Variants in FRMD3 observed in about 807,000 individuals in gnomAD.
The protein encoded by FRMD3 is FERM domain-containing protein 3.
Under a neutral mutation model 70.2 loss-of-function variants are expected in FRMD3, and 33 were observed. The observed-to-expected ratio is 0.47, with a 90% confidence interval of 0.36 to 0.63. The LOEUF (loss-of-function observed/expected upper bound fraction) is 0.63, where lower values mean the gene tolerates loss of function less well. Among genes scored for constraint, FRMD3 ranks in the 20% least tolerant of loss-of-function variants. The probability of loss-of-function intolerance (pLI) is 0.00; values close to 1 mark genes in which losing one functional copy is unlikely to be tolerated. For missense variants in FRMD3, 632 were observed against 711.4 expected, an observed-to-expected ratio of 0.89 and a Z score of 1.27; for synonymous variants, 279 against 255.9, an observed-to-expected ratio of 1.09 and a Z score of -0.86.
chr9:83,325,268 A>G (rs889428115), intron 6 of FRMD3, among the ~76,000 whole-genome samples: 1 of 152,254 alleles, frequency 6.6e-6, no homozygotes, highest in African/African-American at 2.4e-5. Context: ...ACTATGCAAT[A>G]TATCTATGTA....
intron 4 of FRMD3, among the ~76,000 whole-genome samples, chr9:83,344,774 A>G (rs1332115049): frequency 6.6e-6 from 1 of 151,742 alleles, no homozygotes; most frequent in Non-Finnish European, 1.5e-5. Context: ...AATTCCTTAT[A>G]ATAAATCTCA....
At chr9:83,562,883 T>C in the FRMD3 span, among the ~76,000 whole-genome samples, 5 of 150,760 alleles carry the variant, frequency 3.3e-5, no homozygotes, top group African/African-American at 1.2e-4. Context: ...TCTGGTTGTA[T>C]GGCCAATGCC....
At position 83,335,498 on chromosome 9, in the gene FRMD3, T is replaced by C. The variant is rs554752863; in HGVS notation, c.596+18A>G. 84 of 1,599,468 alleles carry C rather than the reference T, an allele frequency of 5.3e-5. No homozygotes were observed. The South Asian group carries it at 8.4e-4, about 16-fold the overall frequency. ...TTCTCCCCTTTATCATTTTCACAAATGTCTACTCAGTAATTACCTGAGTTC... is the reference window on the plus strand; with the variant it reads ...TTCTCCCCTTTATCATTTTCACAAACGTCTACTCAGTAATTACCTGAGTTC... On this transcript the variant is annotated intron_variant, in intron 6 of 13. Coordinates refer to ENST00000304195, the MANE Select transcript of FRMD3 (RefSeq NM_174938.6).
At chr9:83,530,665 A>G (rs538990602) in intron 1 of FRMD3, among the ~76,000 whole-genome samples, 3 of 152,244 alleles carry the variant, frequency 2.0e-5, no homozygotes, top group Non-Finnish European at 4.4e-5. Flanking sequence ...ACTGTTATCC[A>G]AAAAGGCAAA....
intron 5 of FRMD3, among the ~76,000 whole-genome samples, chr9:83,342,040 G>A (rs1372852101): frequency 2.5e-5 from 2 of 79,450 alleles, no homozygotes; most frequent in African/African-American, 5.8e-5. Flanking sequence ...GATTGACATA[G>A]TCATCTCTCT....
chr9:83,272,954 G>A (rs1217046922), intron 13 of FRMD3, among the ~76,000 whole-genome samples: 21 of 146,958 alleles, frequency 1.4e-4, no homozygotes, highest in South Asian at 6.6e-4. Flanking sequence ...CAGCCGCCCC[G>A]TCTGGGAAGT....
intron 1 of FRMD3, among the ~76,000 whole-genome samples, chr9:83,431,859 T>C (rs1036592451): frequency 3.9e-5 from 6 of 152,336 alleles, no homozygotes; most frequent in Non-Finnish European, 8.8e-5. Flanking sequence ...GAATGAGCTC[T>C]TATCAAAAGA....
intron 1 of FRMD3, among the ~76,000 whole-genome samples, chr9:83,478,963 G>A (rs187298061): frequency 2.4e-4 from 36 of 151,984 alleles, no homozygotes; most frequent in Admixed American, 1.8e-3. Flanking sequence ...TATGCACTAC[G>A]GGTCCCTAGA....
intron 1 of FRMD3, among the ~76,000 whole-genome samples, chr9:83,515,898 C>G (rs1232536837): frequency 2.0e-5 from 3 of 152,132 alleles, no homozygotes; most frequent in African/African-American, 7.2e-5. Flanking sequence ...GAAATAAAAT[C>G]CTTTACAGGC....
rs145624644 is a variant in FRMD3 at position 83,247,978 on chromosome 9, G to A, written c.1734C>T (p.Pro578=). 4 of 1,614,174 alleles carry A rather than the reference G, an allele frequency of 2.5e-6. No homozygotes were observed. Among genetic ancestry groups the A allele is most frequent in the Non-Finnish European group, 3.4e-6 (4 of 1,180,042 alleles). ...CTTTCCCAGCCACCCACTCCTTGAG[G>A]GGACAGTAGTATTCATAGTGAAACT... ...FEQFHYEYYC[P]LKEWVAGKVH... Residue 578 remains proline, a synonymous_variant, in exon 14 of 14, where the codon CCC becomes CCT. Coordinates refer to ENST00000304195, the MANE Select transcript of FRMD3 (RefSeq NM_174938.6).
At chr9:83,465,037 AAAG>A (rs1442895299) in intron 1 of FRMD3, among the ~76,000 whole-genome samples, 2,485 of 49,854 alleles carry the variant, frequency 0.05, 77 homozygotes, top group African/African-American at 0.14. Context: ...AAAAAAAAAA[AAAG>A]AAGAAGAAGC....
intron 13 of FRMD3, among the ~76,000 whole-genome samples, chr9:83,252,700 A>G (rs563560513): frequency 8.1e-4 from 124 of 152,336 alleles, no homozygotes; most frequent in African/African-American, 2.9e-3. Context: ...GAAAACAGAA[A>G]AAAAGCAGGG....
intron 1 of FRMD3, among the ~76,000 whole-genome samples, chr9:83,418,039 T>G (rs895619511): frequency 6.7e-6 from 1 of 150,030 alleles, no homozygotes; most frequent in African/African-American, 2.5e-5. Context: ...GTGAACACCG[T>G]GCTTTTGAAG....
chr9:83,369,257 C>T (rs1824891390), intron 3 of FRMD3, among the ~76,000 whole-genome samples: 1 of 152,080 alleles, frequency 6.6e-6, no homozygotes, highest in Non-Finnish European at 1.5e-5. Flanking sequence ...CAGAAGCCAC[C>T]AAAACCACCT....
chr9:83,310,268 G>T (rs569912255), intron 9 of FRMD3, among the ~76,000 whole-genome samples: 276 of 152,138 alleles, frequency 1.8e-3, no homozygotes, highest in Non-Finnish European at 3.0e-3. Flanking sequence ...GCACATGGGG[G>T]TGTACAATCA....
rs1215576312 is a variant in FRMD3 at position 83,245,887 on chromosome 9, G to C, written c.*2031C>G. On this transcript the variant is annotated 3_prime_UTR_variant, in exon 14 of 14. Transcript: ENST00000304195. The stretch of plus-strand genomic sequence containing the variant: ...CATCTGCAAGCTTCCAAAATAAATT[G>C]TTGAGGATTCCAATCACAGAAAATA... 1.0e-6 allele frequency: 1 copy of C among 983,942 alleles called. No individual in the cohort carries two copies. The highest frequency in any genetic ancestry group is 1.2e-6 in the Non-Finnish European group (1 of 828,778). The allele number at this position is 983,942 out of a possible 1,614,324, so 61.0% of individuals were successfully genotyped here.
intron 1 of FRMD3, among the ~76,000 whole-genome samples, chr9:83,447,668 G>A (rs1422969888): frequency 1.3e-5 from 2 of 152,144 alleles, no homozygotes; most frequent in Non-Finnish European, 2.9e-5. Context: ...GGCCCAGGGA[G>A]GGCACTTGTT....
At chr9:83,424,892 C>T (rs1413316123) in intron 1 of FRMD3, among the ~76,000 whole-genome samples, 2 of 152,206 alleles carry the variant, frequency 1.3e-5, no homozygotes, top group East Asian at 1.9e-4. Flanking sequence ...GCCTGGGGTT[C>T]ACCCAGTTCT....
At chr9:83,398,572 G>A (rs896781188) in intron 1 of FRMD3, among the ~76,000 whole-genome samples, 6 of 152,006 alleles carry the variant, frequency 3.9e-5, no homozygotes, top group Admixed American at 2.0e-4. Flanking sequence ...CGAGTTAATG[G>A]GTGCAGCACA....
Sources: gnomAD v4.1 joint callset for allele counts (sites outside exome capture counted in the v4.1 genomes callset) on GRCh38, gnomAD v4.1.1 for gene constraint, MANE v1.5 for transcripts, NCBI Gene and HGNC (gene_info 2026-07-23, HGNC 2026-07-21) for gene names.